The following VOPP1 variants were observed in gnomAD, a reference collection of about 807,000 sequenced individuals.
The protein encoded by VOPP1 is VOPP1 WW domain binding protein, also known as WW domain binding protein VOPP1.
A neutral mutation model predicts 23.5 loss-of-function variants in VOPP1; 8 were observed. The observed-to-expected ratio is 0.34, with a 90% CI of 0.20 to 0.61. The LOEUF (loss-of-function observed/expected upper bound fraction) is 0.61. Ranked by LOEUF, VOPP1 falls within the 20% of genes least tolerant of loss-of-function variation. VOPP1 has a pLI of 0.78. For missense variants in VOPP1, 174 were observed against 238.1 expected (o/e 0.73, Z 1.77); for synonymous variants, 83 against 97.3 (o/e 0.85, Z 0.86).
intron 3 of VOPP1, among the ~76,000 whole-genome samples, chr7:55,496,442 T>C (rs1042738518): frequency 6.6e-6 from 1 of 152,238 alleles, no homozygotes; most frequent in Non-Finnish European, 1.5e-5. Context: ...ACAACAATTA[T>C]TCTTCTGTTA....
chr7:55,571,953 G>A (rs1367456536), intron 1 of VOPP1: 2 of 266,876 alleles, frequency 7.5e-6, no homozygotes, highest in African/African-American at 4.5e-5. Flanking sequence ...TCTGCGGCGG[G>A]GAGAGGGGGC....
intron 1 of VOPP1, among the ~76,000 whole-genome samples, chr7:55,564,909 T>G (rs1242814502): frequency 6.6e-6 from 1 of 152,186 alleles, no homozygotes; most frequent in Non-Finnish European, 1.5e-5. Context: ...CTGTAATACA[T>G]GGTCATGGCA....
intron 4 of VOPP1, among the ~76,000 whole-genome samples, chr7:55,460,128 C>G (rs1346282522): frequency 1.3e-5 from 2 of 152,112 alleles, no homozygotes; most frequent in African/African-American, 4.8e-5. Flanking sequence ...TCTTCATCGA[C>G]CCAGTGGTCA....
At chr7:55,555,172 A>G (rs997774417) in intron 1 of VOPP1, among the ~76,000 whole-genome samples, 2 of 152,200 alleles carry the variant, frequency 1.3e-5, no homozygotes, top group African/African-American at 2.4e-5. Context: ...AACTTGGAGA[A>G]GTAGTGGAGG....
Position 55,545,985 on chromosome 7 carries a change from T to C in VOPP1, c.55-24855A>G, listed in dbSNP as rs139560870. On this transcript the variant is annotated intron_variant, in intron 1 of 4. Coordinates refer to ENST00000285279, the MANE Select transcript of VOPP1 (RefSeq NM_030796.5). ...AGGAAGCTGAGGTGGGAGGACCACC[T>C]GAGCCTGAGAGGTCAAGGTTGCGAT... is the stretch of plus-strand genomic sequence containing the variant. Among the ~76,000 whole-genome samples, 652 of 152,260 alleles carry C rather than the reference T, an allele frequency of 4.3e-3. 4 individuals are homozygous for C. The highest frequency in any genetic ancestry group is 0.015 in the South Asian group (72 of 4,818).
chr7:55,505,721 G>T, intron 2 of VOPP1, among the ~76,000 whole-genome samples: 1 of 147,570 alleles, frequency 6.8e-6, no homozygotes, highest in Non-Finnish European at 1.5e-5. Context: ...TTGTACATAT[G>T]ATCAACATTG....
chr7:55,491,816 A>C (rs971410982), intron 4 of VOPP1, among the ~76,000 whole-genome samples: 4 of 152,352 alleles, frequency 2.6e-5, no homozygotes, highest in South Asian at 2.1e-4. Flanking sequence ...TGCACAATGA[A>C]TACTTGTTGA....
At chr7:55,501,916 C>T (rs1298362418) in intron 2 of VOPP1, among the ~76,000 whole-genome samples, 1 of 152,202 alleles carries the variant, frequency 6.6e-6, no homozygotes, top group Non-Finnish European at 1.5e-5. Flanking sequence ...TGTAACAGCT[C>T]TTATATCTGT....
chr7:55,443,427 G>A (rs1325057513), intron 4 of VOPP1, among the ~76,000 whole-genome samples: 4 of 151,684 alleles, frequency 2.6e-5, no homozygotes, highest in African/African-American at 4.8e-5. Flanking sequence ...GGTGGCGGGC[G>A]CCTGTAGTCC....
chr7:55,509,337 C>T (rs1329270580), intron 2 of VOPP1, among the ~76,000 whole-genome samples: 1 of 152,136 alleles, frequency 6.6e-6, no homozygotes, highest in Non-Finnish European at 1.5e-5. Flanking sequence ...GGCTGGGATG[C>T]CCAGGATCAA....
At chr7:55,464,695 G>C (rs1196565774) in intron 4 of VOPP1, among the ~76,000 whole-genome samples, 1 of 152,190 alleles carries the variant, frequency 6.6e-6, no homozygotes, top group African/African-American at 2.4e-5. Context: ...CTTCTGGATA[G>C]ATGTCAGTCA....
chr7:55,553,183 C>G (rs1797681094), intron 1 of VOPP1, among the ~76,000 whole-genome samples: 2 of 152,178 alleles, frequency 1.3e-5, no homozygotes, highest in African/African-American at 4.8e-5. Context: ...ATATGTGTTG[C>G]CCTAGCAGGA....
intron 1 of VOPP1, among the ~76,000 whole-genome samples, chr7:55,532,248 C>T (rs1796536386): frequency 6.6e-6 from 1 of 152,232 alleles, no homozygotes. Context: ...CACACAGCAC[C>T]TGCCGCATGC....
chr7:55,441,038 T>C (rs1311530870), intron 4 of VOPP1, among the ~76,000 whole-genome samples: 1 of 152,246 alleles, frequency 6.6e-6, no homozygotes, highest in Non-Finnish European at 1.5e-5. Context: ...TGTGATTCTA[T>C]CCTATATGGA....
intron 4 of VOPP1, among the ~76,000 whole-genome samples, chr7:55,486,452 G>C (rs995163539): frequency 2.0e-5 from 3 of 152,206 alleles, no homozygotes; most frequent in Admixed American, 6.5e-5. Context: ...AGGGAGGGGA[G>C]GGGCAGCACG....
At chr7:55,522,622 C>A (rs373370123) in intron 1 of VOPP1, among the ~76,000 whole-genome samples, 1 of 152,198 alleles carries the variant, frequency 6.6e-6, no homozygotes. Flanking sequence ...GACAGCCAAA[C>A]ATTCCTGGAA....
chr7:55,540,442 T>TAAATAAATAAAA (rs1299869398), intron 1 of VOPP1, among the ~76,000 whole-genome samples: 41 of 136,096 alleles, frequency 3.0e-4, no homozygotes, highest in Middle Eastern at 3.7e-3. Flanking sequence ...AATAAATAAA[T>TAAATAAATAAAA]AAAAATAAAT....
intron 4 of VOPP1, among the ~76,000 whole-genome samples, chr7:55,442,549 C>A (rs948287287): frequency 1.8e-4 from 28 of 151,998 alleles, no homozygotes; most frequent in African/African-American, 6.0e-4. Context: ...CTGCTTTGTA[C>A]CCCATCAGTT....
chr7:55,451,833 A>G (rs375795550), intron 4 of VOPP1, among the ~76,000 whole-genome samples: 1 of 152,230 alleles, frequency 6.6e-6, no homozygotes, highest in African/African-American at 2.4e-5. Flanking sequence ...GCTAACGGTT[A>G]TCTGGGCTTT....
Sources: allele counts gnomAD v4.1 joint callset (sites outside exome capture counted in the v4.1 genomes callset), GRCh38; gene constraint gnomAD v4.1.1; transcripts MANE v1.5; gene names NCBI Gene and HGNC (gene_info 2026-07-23, HGNC 2026-07-21).